Variants in MCC observed in about 807,000 individuals in gnomAD.
MCC encodes the protein colorectal mutant cancer protein.
MCC carries 90 observed loss-of-function variants against 116.2 expected under a neutral mutation model. That is an observed-to-expected ratio of 0.77 (90% CI 0.65 to 0.92). The LOEUF is 0.92. MCC is among the 40% of genes least tolerant of loss of function. The pLI is 0.00. For missense variants in MCC, 1,516 were observed against 1,312.2 expected (o/e 1.16, Z -2.40); for synonymous variants, 578 against 510.5 (o/e 1.13, Z -1.78).
chr5:113,407,500 T>A (rs1343506518), intron 1 of MCC, among the ~76,000 whole-genome samples: 1 of 152,230 alleles, frequency 6.6e-6, no homozygotes, highest in African/African-American at 2.4e-5. Context: ...GAGCAAGTGG[T>A]GAGCCAGTGT....
chr5:113,276,365 C>A (rs749682120), intron 3 of MCC, among the ~76,000 whole-genome samples: 4 of 152,008 alleles, frequency 2.6e-5, no homozygotes, highest in Non-Finnish European at 5.9e-5. Context: ...CAAAGACCAC[C>A]CTGGGGCATC....
intron 3 of MCC, among the ~76,000 whole-genome samples, chr5:113,297,519 C>T (rs998638961): frequency 2.6e-5 from 4 of 151,428 alleles, no homozygotes; most frequent in African/African-American, 2.4e-5. Context: ...AAGCCGAGAC[C>T]GCACCACCAC....
chr5:113,103,647 T>C (rs1293284746), intron 7 of MCC, among the ~76,000 whole-genome samples: 2 of 151,950 alleles, frequency 1.3e-5, no homozygotes, highest in African/African-American at 4.9e-5. Flanking sequence ...GACTTTTAAA[T>C]TTGAATTGCT....
intron 3 of MCC, among the ~76,000 whole-genome samples, chr5:113,202,797 A>AG (rs537840497): frequency 4.0e-5 from 6 of 151,178 alleles, no homozygotes; most frequent in Middle Eastern, 3.4e-3. Flanking sequence ...TAAAAAAAAA[A>AG]AAAAAAACTT....
chr5:113,115,267 G>C (rs1046438328), intron 6 of MCC, among the ~76,000 whole-genome samples: 9 of 152,144 alleles, frequency 5.9e-5, no homozygotes, highest in African/African-American at 2.2e-4. Context: ...CCTGAGAAGG[G>C]GTCAAGAAAA....
chr5:113,430,023 A>G (rs1472463875), intron 1 of MCC, among the ~76,000 whole-genome samples: 2 of 152,210 alleles, frequency 1.3e-5, no homozygotes, highest in African/African-American at 4.8e-5. Context: ...GAGTTCACAG[A>G]TGGAAGAAAC....
intron 3 of MCC, among the ~76,000 whole-genome samples, chr5:113,332,564 CAA>C (rs35391036): frequency 0.042 from 3,700 of 88,400 alleles, 71 homozygotes; most frequent in African/African-American, 0.072. Context: ...AACCTGTCTC[CAA>C]AAAAAAAAAA....
intron 1 of MCC, among the ~76,000 whole-genome samples, chr5:113,438,223 T>A (rs1010389934): frequency 3.3e-5 from 5 of 152,168 alleles, no homozygotes; most frequent in Admixed American, 2.6e-4. Flanking sequence ...TAACTAGAAA[T>A]TGTTAAGGTC....
intron 17 of MCC, among the ~76,000 whole-genome samples, chr5:113,040,277 G>A (rs1015911268): frequency 8.6e-5 from 13 of 151,978 alleles, no homozygotes; most frequent in African/African-American, 3.1e-4. Context: ...GGCTGGCCAG[G>A]TAAGGGGAGG....
intron 3 of MCC, among the ~76,000 whole-genome samples, chr5:113,226,692 T>C (rs1763755021): frequency 6.6e-6 from 1 of 152,172 alleles, no homozygotes; most frequent in South Asian, 2.1e-4. Flanking sequence ...CATAAACCAA[T>C]AAGGAACAAC....
intron 2 of MCC, among the ~76,000 whole-genome samples, chr5:113,343,785 T>C (rs77494291): frequency 6.6e-6 from 1 of 152,210 alleles, no homozygotes; most frequent in Non-Finnish European, 1.5e-5. Flanking sequence ...TAAGTCAAAA[T>C]AAATTATACA....
chr5:113,111,963 C>G (rs559816082), intron 6 of MCC, among the ~76,000 whole-genome samples: 36 of 152,288 alleles, frequency 2.4e-4, no homozygotes, highest in African/African-American at 8.7e-4. Flanking sequence ...CATTTTGAAT[C>G]AGGTGTTAAA....
intron 5 of MCC, 127 bp from the exon 6 acceptor site, chr5:113,122,953 A>C: frequency 1.0e-6 from 1 of 959,854 alleles, no homozygotes; most frequent in Non-Finnish European, 1.6e-6. Context: ...GGCCACAGGG[A>C]CCAGGATTTC....
chr5:113,339,438 T>TGTGCGCGC (rs145838279), intron 3 of MCC, among the ~76,000 whole-genome samples: 1,864 of 149,638 alleles, frequency 0.012, 28 homozygotes, highest in Middle Eastern at 0.024. Context: ...TGTGTGTGTG[T>TGTGCGCGC]GCGTGCATGT....
At chr5:113,140,691 C>T (rs754566644) in intron 5 of MCC, among the ~76,000 whole-genome samples, 17 of 152,072 alleles carry the variant, frequency 1.1e-4, no homozygotes, top group Non-Finnish European at 1.3e-4. Context: ...TAAACTATGC[C>T]CTTAATAATG....
intron 3 of MCC, among the ~76,000 whole-genome samples, chr5:113,171,426 C>A (rs1263763549): frequency 6.6e-6 from 1 of 151,780 alleles, no homozygotes; most frequent in Admixed American, 6.6e-5. Context: ...CACGACTCGG[C>A]TAACTGCGAA....
chr5:113,047,828 G>C (rs1378567307), intron 16 of MCC, among the ~76,000 whole-genome samples: 1 of 134,756 alleles, frequency 7.4e-6, no homozygotes, highest in Non-Finnish European at 1.6e-5. Context: ...AATGAACTTG[G>C]ATTCCAGAAA....
chr5:113,340,068 G>A (rs1767972546), intron 3 of MCC, among the ~76,000 whole-genome samples: 1 of 152,220 alleles, frequency 6.6e-6, no homozygotes, highest in African/African-American at 2.4e-5. Context: ...CTTCTAAGTT[G>A]TCCCACAGTT....
chr5:113,340,004 G>A (rs1850410), intron 3 of MCC, among the ~76,000 whole-genome samples: 20,595 of 152,242 alleles, frequency 0.14, 2,287 homozygotes, highest in Admixed American at 0.27. Flanking sequence ...CCCAAAGGTC[G>A]CTTTGTAGTG....
Sources: allele counts gnomAD v4.1 joint callset (sites outside exome capture counted in the v4.1 genomes callset), GRCh38; gene constraint gnomAD v4.1.1; transcripts MANE v1.5; gene names NCBI Gene and HGNC (gene_info 2026-07-23, HGNC 2026-07-21).